Variants in PLXDC2 observed in about 807,000 individuals in gnomAD.
PLXDC2 encodes the protein plexin domain containing 2, also known as plexin domain-containing protein 2.
PLXDC2 carries 40 observed loss-of-function variants against 68.9 expected under a neutral mutation model. The ratio of observed to expected loss-of-function variants is 0.58; its 90% confidence interval spans 0.45 to 0.76. The LOEUF (loss-of-function observed/expected upper bound fraction) is 0.76. Among genes scored for constraint, PLXDC2 ranks in the 30% least tolerant of loss-of-function variants. The probability of loss-of-function intolerance (pLI) is 0.00; values close to 1 mark genes in which losing one functional copy is unlikely to be tolerated. For synonymous variants in PLXDC2, 243 were observed against 234.2 expected (o/e 1.04, Z -0.34); for missense variants, 644 against 661.9 (o/e 0.97, Z 0.30).
At chr10:20,035,638 G>A (rs565094958) in intron 2 of PLXDC2, among the ~76,000 whole-genome samples, 45 of 152,250 alleles carry the variant, frequency 3.0e-4, no homozygotes, top group Admixed American at 5.2e-4. Flanking sequence ...GGAAGTTGCA[G>A]TGAGCCAAGA....
intron 2 of PLXDC2, among the ~76,000 whole-genome samples, chr10:20,012,481 T>A (rs1264010289): frequency 7.6e-6 from 1 of 132,182 alleles, no homozygotes; most frequent in Non-Finnish European, 1.8e-5. Context: ...ACGCCCAGCT[T>A]TTTTTTTTTT....
intron 13 of PLXDC2, among the ~76,000 whole-genome samples, chr10:20,265,576 T>C (rs1305335799): frequency 6.6e-6 from 1 of 152,200 alleles, no homozygotes; most frequent in African/African-American, 2.4e-5. Flanking sequence ...ATAATAATAA[T>C]GTTTCCGGGG....
chr10:20,138,861 C>CA (rs1343928409), intron 4 of PLXDC2, among the ~76,000 whole-genome samples: 1 of 151,360 alleles, frequency 6.6e-6, no homozygotes, highest in Non-Finnish European at 1.5e-5. Flanking sequence ...TGCAGTGAGC[C>CA]AAAATCGTGC....
In PLXDC2 at chr10:19,989,807, T is replaced by A. The variant is rs146349482; in HGVS notation, c.113-11968T>A. Among the ~76,000 whole-genome samples the A allele has an allele frequency of 1.3e-3, 193 of 150,782 alleles. 5 individuals are homozygous for A. The South Asian group carries it at 0.019, about 15-fold the overall frequency. ...CTCTGTCACCCAGGTTGGAGTGCAG[T>A]GGTGTGATCTTGACTCACTGCAACC... On this transcript the variant is annotated intron_variant, in intron 1 of 13. Coordinates refer to ENST00000377252, the MANE Select transcript of PLXDC2 (RefSeq NM_032812.9).
intron 1 of PLXDC2, among the ~76,000 whole-genome samples, chr10:19,890,108 G>C (rs1255143510): frequency 6.6e-6 from 1 of 152,182 alleles, no homozygotes; most frequent in East Asian, 1.9e-4. Flanking sequence ...AGCCTGCTGT[G>C]AGTGAAGGAC....
chr10:20,175,020 G>A (rs959714452), intron 7 of PLXDC2, among the ~76,000 whole-genome samples: 2 of 152,032 alleles, frequency 1.3e-5, no homozygotes, highest in African/African-American at 4.8e-5. Flanking sequence ...CTCTAAGTGA[G>A]GAATGGAGAA....
intron 1 of PLXDC2, among the ~76,000 whole-genome samples, chr10:19,819,406 A>T (rs1434482330): frequency 1.3e-5 from 2 of 152,238 alleles, no homozygotes; most frequent in East Asian, 3.8e-4. Context: ...CTTACTGAAT[A>T]TATAAAAAAA....
intron 4 of PLXDC2, among the ~76,000 whole-genome samples, chr10:20,075,117 C>T (rs993098505): frequency 3.9e-5 from 6 of 152,160 alleles, no homozygotes; most frequent in Non-Finnish European, 8.8e-5. Flanking sequence ...GAGCTGTCTT[C>T]TTTGATAACT....
rs550380328 is a variant in PLXDC2, at chr10:20,130,364, T to A, written c.542-12931T>A. Among the ~76,000 whole-genome samples the A allele has an allele frequency of 5.3e-5, 8 of 152,296 alleles. No individual in the cohort carries two copies. In the South Asian group the frequency reaches 1.7e-3, roughly 32 times the overall value. ...CGCATGTTTATTGTGTATCTTGTACTTTCACTGAATTTGTTTATTAATGCC... is the reference window on the plus strand; with the variant it reads ...CGCATGTTTATTGTGTATCTTGTACATTCACTGAATTTGTTTATTAATGCC... On this transcript the variant is annotated intron_variant, in intron 4 of 13. Coordinates refer to ENST00000377252, the MANE Select transcript of PLXDC2 (RefSeq NM_032812.9).
At chr10:20,017,620 G>A (rs770079772) in intron 2 of PLXDC2, among the ~76,000 whole-genome samples, 4 of 152,128 alleles carry the variant, frequency 2.6e-5, no homozygotes, top group Non-Finnish European at 2.9e-5. Flanking sequence ...GAATTCATCC[G>A]AACAAATAGT....
intron 4 of PLXDC2, among the ~76,000 whole-genome samples, chr10:20,098,254 C>T (rs1393212192): frequency 6.6e-6 from 1 of 152,056 alleles, no homozygotes; most frequent in African/African-American, 2.4e-5. Context: ...TTCCTTGCCT[C>T]TTCTAGCCAG....
chr10:19,856,407 CA>C, intron 1 of PLXDC2, among the ~76,000 whole-genome samples: 1 of 151,654 alleles, frequency 6.6e-6, no homozygotes, highest in African/African-American at 2.4e-5. Context: ...CACACACACA[CA>C]CACACTCACA....
intron 9 of PLXDC2, among the ~76,000 whole-genome samples, chr10:20,200,088 A>G (rs1184851162): frequency 1.3e-5 from 2 of 151,984 alleles, no homozygotes; most frequent in African/African-American, 4.8e-5. Flanking sequence ...ATTTTAAAAG[A>G]AAAGGTTGGA....
chr10:20,090,721 T>G (rs987210055), intron 4 of PLXDC2, among the ~76,000 whole-genome samples: 10 of 152,190 alleles, frequency 6.6e-5, no homozygotes, highest in African/African-American at 2.4e-4. Context: ...GTACACGACT[T>G]GCACAATATT....
At chr10:20,182,989 G>T (rs1435963322) in intron 9 of PLXDC2, among the ~76,000 whole-genome samples, 1 of 151,892 alleles carries the variant, frequency 6.6e-6, no homozygotes, top group African/African-American at 2.4e-5. Context: ...AATTAGAAGT[G>T]AAGTAGATGG....
chr10:20,022,800 G>T (rs1181223351), intron 2 of PLXDC2, among the ~76,000 whole-genome samples: 1 of 152,022 alleles, frequency 6.6e-6, no homozygotes, highest in Non-Finnish European at 1.5e-5. Flanking sequence ...ATTGTTATTG[G>T]GATGAGGGAG....
chr10:20,134,618 G>C (rs1564328130), intron 4 of PLXDC2, among the ~76,000 whole-genome samples: 1 of 152,142 alleles, frequency 6.6e-6, no homozygotes, highest in Non-Finnish European at 1.5e-5. Context: ...CAATGAGTTT[G>C]GGCCTACATC....
intron 1 of PLXDC2, among the ~76,000 whole-genome samples, chr10:19,850,519 A>G (rs188470715): frequency 2.0e-5 from 3 of 152,298 alleles, no homozygotes; most frequent in East Asian, 1.9e-4. Flanking sequence ...CAAATTTGCT[A>G]AAAAGATTAG....
chr10:20,093,066 G>A (rs1450585717), intron 4 of PLXDC2, among the ~76,000 whole-genome samples: 1 of 152,138 alleles, frequency 6.6e-6, no homozygotes, highest in Non-Finnish European at 1.5e-5. Context: ...ATTTGTTACA[G>A]CAGCTACGGG....
Sources: allele counts gnomAD v4.1 joint callset (sites outside exome capture counted in the v4.1 genomes callset), GRCh38; gene constraint gnomAD v4.1.1; transcripts MANE v1.5; gene names NCBI Gene and HGNC (gene_info 2026-07-23, HGNC 2026-07-21).